The following CNIH3 variants were observed in gnomAD, a reference collection of about 807,000 sequenced individuals.
CNIH3 encodes the protein protein cornichon homolog 3.
Under a neutral mutation model 24.1 loss-of-function variants are expected in CNIH3, and 14 were observed. That is an observed-to-expected ratio of 0.58 (90% CI 0.38 to 0.91). The LOEUF (loss-of-function observed/expected upper bound fraction) is 0.91. Ranked by LOEUF, CNIH3 falls within the 40% of genes least tolerant of loss-of-function variation. The pLI is 0.00. For synonymous variants in CNIH3, 68 were observed against 73.8 expected, an observed-to-expected ratio of 0.92 and a Z score of 0.40; for missense variants, 178 against 196.8, an observed-to-expected ratio of 0.90 and a Z score of 0.57.
chr1:224,630,034 T>G (rs1376658744), intron 1 of CNIH3, among the ~76,000 whole-genome samples: 1 of 152,172 alleles, frequency 6.6e-6, no homozygotes, highest in Non-Finnish European at 1.5e-5. Context: ...GCCAGGGAGT[T>G]TGCCTCATGA....
At position 224,556,647 on chromosome 1, in the gene CNIH3, A is replaced by C. The variant is rs964998928; in HGVS notation, n.451-9552A>C. Among the ~76,000 whole-genome samples the C allele has an allele frequency of 2.0e-4, 30 of 152,146 alleles. 1 individual carries two copies. The highest frequency in any genetic ancestry group is 4.4e-5 in the Non-Finnish European group (3 of 68,028). Reference sequence around the variant, plus strand: ...TTCTCATGAGGAATGTACAACCCAGATCCCTTGCATGCGCAGTTCACGAAA... The same window carrying C: ...TTCTCATGAGGAATGTACAACCCAGCTCCCTTGCATGCGCAGTTCACGAAA... On this transcript the variant is annotated intron_variant and non_coding_transcript_variant, in intron 3 of 5. Transcript: ENST00000471578.
chr1:224,735,700 A>G (rs1689560504), intron 5 of CNIH3, among the ~76,000 whole-genome samples: 1 of 152,142 alleles, frequency 6.6e-6, no homozygotes, highest in African/African-American at 2.4e-5. Flanking sequence ...TGTTTTGCCC[A>G]GGCTGGAGTG....
intron 1 of CNIH3, among the ~76,000 whole-genome samples, chr1:224,652,288 G>T (rs1391137937): frequency 6.6e-6 from 1 of 151,996 alleles, no homozygotes; most frequent in Admixed American, 6.6e-5. Flanking sequence ...TAACATTCCT[G>T]GACTGGGACT....
intron 4 of CNIH3, among the ~76,000 whole-genome samples, chr1:224,731,354 A>G (rs192399647): frequency 3.3e-5 from 5 of 152,296 alleles, no homozygotes; most frequent in Non-Finnish European, 5.9e-5. Flanking sequence ...ATTCCCTGCT[A>G]AGACCATGTG....
At chr1:224,543,083 T>C (rs1679572646) in intron 2 of CNIH3, among the ~76,000 whole-genome samples, 1 of 152,176 alleles carries the variant, frequency 6.6e-6, no homozygotes, top group South Asian at 2.1e-4. Context: ...AGCTATGTGA[T>C]ATCAGCCGGA....
At chr1:224,572,322 C>T (rs990660471) in intron 4 of CNIH3, among the ~76,000 whole-genome samples, 1 of 152,048 alleles carries the variant, frequency 6.6e-6, no homozygotes, top group Non-Finnish European at 1.5e-5. Flanking sequence ...TTGAGACCAG[C>T]CTAGTCAACA....
chr1:224,440,572 T>G (rs977232202), intron 1 of CNIH3, among the ~76,000 whole-genome samples: 1 of 152,162 alleles, frequency 6.6e-6, no homozygotes, highest in Admixed American at 6.5e-5. Context: ...TGTACTGATA[T>G]GGATATAGTA....
At chr1:224,670,397 G>A (rs777848391) in intron 1 of CNIH3, among the ~76,000 whole-genome samples, 8 of 152,166 alleles carry the variant, frequency 5.3e-5, no homozygotes, top group Non-Finnish European at 8.8e-5. Flanking sequence ...GAGTCTAAGG[G>A]GCTCTTTATC....
chr1:224,614,468 G>A (rs1682847528), upstream of CNIH3, among the ~76,000 whole-genome samples: 2 of 152,080 alleles, frequency 1.3e-5, no homozygotes, highest in Admixed American at 1.3e-4. Context: ...GAGGCCAGGA[G>A]TTTGGGACCA....
chr1:224,517,057 A>G (rs897372792), intron 1 of CNIH3, among the ~76,000 whole-genome samples: 1 of 152,142 alleles, frequency 6.6e-6, no homozygotes, highest in Non-Finnish European at 1.5e-5. Context: ...ATGTCCAGGT[A>G]TGGCTGTTCT....
intron 1 of CNIH3, among the ~76,000 whole-genome samples, chr1:224,645,842 G>A (rs1684581083): frequency 6.6e-6 from 1 of 152,194 alleles, no homozygotes; most frequent in Non-Finnish European, 1.5e-5. Context: ...CGCTCCAAGG[G>A]AATTAATAAG....
chr1:224,658,903 C>T (rs371146981), intron 1 of CNIH3, among the ~76,000 whole-genome samples: 20 of 152,208 alleles, frequency 1.3e-4, no homozygotes, highest in Non-Finnish European at 7.3e-5. Context: ...ATCAATTTGA[C>T]GTTTACATAA....
chr1:224,699,475 A>G (rs1446198541), intron 3 of CNIH3, among the ~76,000 whole-genome samples: 1 of 152,210 alleles, frequency 6.6e-6, no homozygotes, highest in Non-Finnish European at 1.5e-5. Context: ...GGCTAGAAGT[A>G]CTAGATCAAC....
chr1:224,608,004 G>A (rs546009506), intron 3 of CNIH3, among the ~76,000 whole-genome samples: 18 of 152,282 alleles, frequency 1.2e-4, no homozygotes, highest in African/African-American at 4.1e-4. Context: ...GTTAGGGAAC[G>A]TATCCAAGTC....
chr1:224,536,776 A>G (rs1175359476), intron 2 of CNIH3, among the ~76,000 whole-genome samples: 1 of 152,214 alleles, frequency 6.6e-6, no homozygotes, highest in East Asian at 1.9e-4. Context: ...AGAAAGAATC[A>G]TATTAAAGGA....
At chr1:224,624,075 A>G (rs1291391477) in intron 1 of CNIH3, among the ~76,000 whole-genome samples, 1 of 152,222 alleles carries the variant, frequency 6.6e-6, no homozygotes, top group Non-Finnish European at 1.5e-5. Context: ...GGCAAGTGTC[A>G]GCATTTTGCT....
chr1:224,435,087 G>A, intron 1 of CNIH3: 2 of 985,688 alleles, frequency 2.0e-6, no homozygotes, highest in Non-Finnish European at 2.4e-6. Context: ...AGCCGGGCGT[G>A]CATGGGATGG....
chr1:224,724,510 C>G (rs1169590106), intron 3 of CNIH3, among the ~76,000 whole-genome samples: 1 of 152,216 alleles, frequency 6.6e-6, no homozygotes, highest in African/African-American at 2.4e-5. Flanking sequence ...GATCTCCATG[C>G]TGGGAATACT....
chr1:224,464,409 G>T (rs1185149805), intron 1 of CNIH3, among the ~76,000 whole-genome samples: 1 of 152,132 alleles, frequency 6.6e-6, no homozygotes, highest in African/African-American at 2.4e-5. Flanking sequence ...GGGACTACAG[G>T]CATGTGCTAC....
Sources: allele counts gnomAD v4.1 joint callset (sites outside exome capture counted in the v4.1 genomes callset), GRCh38; gene constraint gnomAD v4.1.1; transcripts MANE v1.5; gene names NCBI Gene and HGNC (gene_info 2026-07-23, HGNC 2026-07-21).